The following RYR3 variants were observed in gnomAD, a reference collection of about 807,000 sequenced individuals.
The protein encoded by RYR3 is brain ryanodine receptor-calcium release channel.
Under a neutral mutation model 584.3 loss-of-function variants are expected in RYR3, and 207 were observed. The observed-to-expected ratio is 0.35, with a 90% CI of 0.32 to 0.40. The LOEUF (loss-of-function observed/expected upper bound fraction) is 0.40, where lower values mean the gene tolerates loss of function less well. Ranked by LOEUF, RYR3 falls within the 10% of genes least tolerant of loss-of-function variation. The pLI, the probability that RYR3 is intolerant of heterozygous loss-of-function variation, is 1.00. For missense variants in RYR3, 5,616 were observed against 6,089.2 expected (o/e 0.92, Z 2.59); for synonymous variants, 2,416 against 2,248.5 (o/e 1.07, Z -2.11).
rs746985680 is a variant in RYR3, at chr15:33,663,555, T to C, written c.5437T>C (p.Tyr1813His). The change falls in exon 36 of 104, where the codon TAT (tyrosine) becomes CAT (histidine). Residue 1813 changes from tyrosine to histidine, a missense_variant. This residue lies in a region of RYR3 where 753 missense variants were observed against 741.0 expected (regional missense o/e 1.02). Transcript: ENST00000634891. ...ATTGCAGATGTGTGAGCTCCTCAGC[T>C]ATCTCTGCGACTGTGAGCTGCAGCA... ...VKLQMCELLS[Y>H]LCDCELQHRV... 1 of 1,613,828 alleles carries C rather than the reference T, an allele frequency of 6.2e-7. No homozygotes were observed. Among genetic ancestry groups the C allele is most frequent in the Admixed American group, 1.7e-5 (1 of 60,020 alleles).
At position 33,550,266 on chromosome 15, in the gene RYR3, C is replaced by T. The variant is rs577554238; in HGVS notation, c.922C>T (p.Arg308Trp). The part of the protein sequence containing the change: ...TEDQGLILQD[R>W]AKSDTKSTAF... ...AGACCAAGGCCTTATACTGCAAGAC[C>T]GGGCAAAGTCAGACACCAAGTCCAC... The change falls in exon 10 of 104, where the codon CGG becomes TGG. Residue 308 changes from arginine to tryptophan, a missense_variant. This residue lies in a region of RYR3 where 1,284 missense variants were observed against 1,344.6 expected (regional missense o/e 0.95). Transcript: ENST00000634891. 37 of 1,613,558 alleles carry T rather than the reference C, an allele frequency of 2.3e-5. No individual in the cohort carries two copies. Among genetic ancestry groups the T allele is most frequent in the Non-Finnish European group, 2.8e-5 (33 of 1,179,726 alleles).
At chr15:33,517,494 C>G (rs1344901162) in intron 3 of RYR3, among the ~76,000 whole-genome samples, 2 of 152,200 alleles carry the variant, frequency 1.3e-5, no homozygotes, top group African/African-American at 4.8e-5. Flanking sequence ...TTAGTATCAT[C>G]TTAAATTCGC....
chr15:33,743,792 T>C (rs1596391647), intron 52 of RYR3, among the ~76,000 whole-genome samples: 2 of 152,248 alleles, frequency 1.3e-5, no homozygotes, highest in South Asian at 4.1e-4. Context: ...TCTCCTCAAG[T>C]GCATTTGCCC....
At chr15:33,636,672 C>T in intron 27 of RYR3, 122 bp downstream of exon 27, 1 of 872,862 alleles carries the variant, frequency 1.1e-6, no homozygotes. Flanking sequence ...TTTGAAAACC[C>T]TAATGGTGAA....
chr15:33,779,741 G>A lies in RYR3; in HGVS notation c.9138-470G>A, dbSNP rs530694610. Among the ~76,000 whole-genome samples, 7 of 152,226 alleles carry A rather than the reference G, an allele frequency of 4.6e-5. No homozygotes were observed. The South Asian group carries it at 8.3e-4, about 18-fold the overall frequency. On this transcript the variant is annotated intron_variant, in intron 64 of 103. Coordinates refer to ENST00000634891, the MANE Select transcript of RYR3 (RefSeq NM_001036.6). ...GATCTGGCCGGGCGTGGTGGCTCAC[G>A]CCTGTAGTCCCAGCACTTTGGGAGG...
Position 33,768,652 on chromosome 15 carries a change from CT to C in RYR3, c.8706-4del. The C allele has an allele frequency of 6.2e-7, 1 of 1,613,820 alleles. No homozygotes were observed. Among genetic ancestry groups the C allele is most frequent in the Non-Finnish European group, 8.5e-7 (1 of 1,179,720 alleles). On this transcript the variant is annotated splice_region_variant and splice_polypyrimidine_tract_variant and intron_variant, in intron 60 of 103. Coordinates refer to ENST00000634891, the MANE Select transcript of RYR3 (RefSeq NM_001036.6). ...ACTTTCTGAATTGCTTTCTTTTCTG[CT>C]TCAGCCTGTTCTGCAAACTTGCCGC...
intron 2 of RYR3, among the ~76,000 whole-genome samples, chr15:33,476,577 T>G (rs1360516906): frequency 6.6e-6 from 1 of 152,218 alleles, no homozygotes; most frequent in Non-Finnish European, 1.5e-5. Flanking sequence ...TTCAGCCAGT[T>G]CCATATTGCT....
intron 2 of RYR3, among the ~76,000 whole-genome samples, chr15:33,492,430 A>T (rs1030000715): frequency 6.6e-6 from 1 of 151,530 alleles, no homozygotes; most frequent in Non-Finnish European, 1.5e-5. Flanking sequence ...TTAAATCTAG[A>T]ATTTGGTTTC....
chr15:33,324,310 C>T (rs1969398935), intron 1 of RYR3, among the ~76,000 whole-genome samples: 1 of 152,118 alleles, frequency 6.6e-6, no homozygotes, highest in Admixed American at 6.5e-5. Context: ...CAGTAGGTTA[C>T]CCTGTATCTT....
intron 1 of RYR3, among the ~76,000 whole-genome samples, chr15:33,405,105 G>A (rs527494617): frequency 4.6e-5 from 7 of 152,298 alleles, no homozygotes; most frequent in South Asian, 4.1e-4. Flanking sequence ...TTAGAAATAC[G>A]TAAAGTATTA....
intron 10 of RYR3, among the ~76,000 whole-genome samples, chr15:33,559,591 G>A (rs1467737842): frequency 6.6e-6 from 1 of 152,132 alleles, no homozygotes; most frequent in Non-Finnish European, 1.5e-5. Flanking sequence ...GATTTCAGGG[G>A]GCTGTAAGCT....
chr15:33,662,086 A>G (rs2063198145), intron 34 of RYR3, 67 bp from the exon 35 acceptor site: 1 of 1,360,540 alleles, frequency 7.4e-7, no homozygotes, highest in Non-Finnish European at 9.9e-7. Context: ...GTTGGGCTGG[A>G]TGAAATAGCT....
At chr15:33,567,563 C>G (rs886614428) in intron 12 of RYR3, among the ~76,000 whole-genome samples, 3 of 152,156 alleles carry the variant, frequency 2.0e-5, no homozygotes, top group Non-Finnish European at 4.4e-5. Flanking sequence ...GCTGCTGTTG[C>G]AGTTCAGAGT....
At position 33,707,143 on chromosome 15, in the gene RYR3, C is replaced by T. The variant is rs1046919351; in HGVS notation, c.6619+89C>T. The T allele has an allele frequency of 2.0e-6, 3 of 1,465,276 alleles. No homozygotes were observed. The African/African-American group carries it at 4.2e-5, about 21-fold the overall frequency. 90.8% of individuals were successfully genotyped at this position (1,465,276 alleles called of 1,614,324 possible). A position where few individuals can be genotyped will look rare whatever the true frequency, so the allele number is the denominator to read the frequency against. ...GAAAAGGATATCCTTTCCATTGCTT[C>T]TTATCTGAAAATAGGGGGTTGGTGG... On this transcript the variant is annotated intron_variant, in intron 43 of 103. Coordinates refer to ENST00000634891, the MANE Select transcript of RYR3 (RefSeq NM_001036.6).
chr15:33,824,474 T>C (rs1210472719), intron 81 of RYR3, among the ~76,000 whole-genome samples: 1 of 152,370 alleles, frequency 6.6e-6, no homozygotes, highest in East Asian at 1.9e-4. Context: ...AGAGCAACTA[T>C]GTCCAAATGT....
Position 33,794,043 on chromosome 15 carries a change from C to CATATTATATATAATATATACATAAATAA in RYR3, c.9830+5589_9830+5590insTATATATAATATATACATAAATAAATAT, listed in dbSNP as rs1596622488. 9.1e-4 allele frequency among the ~76,000 whole-genome samples: 32 copies of CATATTATATATAATATATACATAAATAA among 35,244 alleles called. 1 individual carries two copies. The East Asian group carries it at 0.015, about 16-fold the overall frequency. 23.1% of individuals were successfully genotyped at this position (35,244 alleles called of 152,430 possible). Reference sequence around the variant, plus strand: ...TTATATATAAATATATACATAAATACATATATATAAATATATACATAAATA... The same window carrying CATATTATATATAATATATACATAAATAA: ...TTATATATAAATATATACATAAATACATATTATATATAATATATACATAAATAAATATATATAAATATATACATAAATA... On this transcript the variant is annotated intron_variant, in intron 67 of 103. Coordinates refer to ENST00000634891, the MANE Select transcript of RYR3 (RefSeq NM_001036.6).
intron 10 of RYR3, among the ~76,000 whole-genome samples, chr15:33,553,203 A>AG (rs987760596): frequency 6.6e-6 from 1 of 152,158 alleles, no homozygotes; most frequent in Non-Finnish European, 1.5e-5. Flanking sequence ...CTGAAAAAGG[A>AG]GAAAAAGAGG....
intron 12 of RYR3, among the ~76,000 whole-genome samples, chr15:33,574,966 A>AG (rs1354789115): frequency 6.6e-6 from 1 of 152,240 alleles, no homozygotes; most frequent in African/African-American, 2.4e-5. Flanking sequence ...GGAAAAAAGC[A>AG]GGGGTTATAA....
chr15:33,609,806 GA>G (rs2060086306), intron 18 of RYR3, among the ~76,000 whole-genome samples: 1 of 152,132 alleles, frequency 6.6e-6, no homozygotes, highest in Non-Finnish European at 1.5e-5. Context: ...GCAAGGACTT[GA>G]ACAGGAGGAA....
Sources: allele counts gnomAD v4.1 joint callset (sites outside exome capture counted in the v4.1 genomes callset), GRCh38; gene constraint gnomAD v4.1.1; regional missense constraint gnomAD v4.1.1; transcripts MANE v1.5; gene names NCBI Gene and HGNC (gene_info 2026-07-23, HGNC 2026-07-21).